LRP2: variants seen among roughly 807,000 people sequenced by gnomAD.
LRP2 encodes LDL receptor related protein 2.
A neutral mutation model predicts 531.0 loss-of-function variants in LRP2; 172 were observed. The ratio of observed to expected loss-of-function variants is 0.32; its 90% CI spans 0.29 to 0.37. The LOEUF is 0.37. Among genes scored for constraint, LRP2 ranks in the 10% least tolerant of loss-of-function variants. LRP2 has a pLI of 1.00. For synonymous variants in LRP2, 1,992 were observed against 2,027.6 expected (o/e 0.98, Z 0.47); for missense variants, 5,167 against 5,868.3 (o/e 0.88, Z 3.90).
chr2:169,304,304 G>A (rs529727241), intron 4 of LRP2, among the ~76,000 whole-genome samples: 2 of 152,206 alleles, frequency 1.3e-5, no homozygotes, highest in East Asian at 3.9e-4. Flanking sequence ...TCCATGAAGA[G>A]CAATCACCAG....
chr2:169,254,783 AATCCCAAAAC>A (rs1430728009), intron 19 of LRP2, among the ~76,000 whole-genome samples: 6 of 152,022 alleles, frequency 3.9e-5, no homozygotes, highest in African/African-American at 1.4e-4. Flanking sequence ...CATTTTCTCG[AATCCCAAAAC>A]ATCCCAGCCC....
chr2:169,188,192 G>C lies in LRP2; in HGVS notation c.9106C>G (p.Gln3036Glu). The change falls in exon 49 of 79, where the codon CAG becomes GAG. Residue 3036 changes from glutamine (Q) to glutamate (E), a missense_variant. Coordinates refer to ENST00000649046, the MANE Select transcript of LRP2 (RefSeq NM_004525.3). ...GCLYQTCQQN[Q>E]FTCQNGRCIS... ...CAGCGCCCGTTCTGACAGGTAAACT[G>C]ATTCTGTTGGCAAGTCTGGTATAAG... is the stretch of plus-strand genomic sequence containing the variant. 6.2e-7 allele frequency: 1 copy of C among 1,614,150 alleles called. No homozygotes were observed. The highest frequency in any genetic ancestry group is 8.5e-7 in the Non-Finnish European group (1 of 1,180,016).
rs142075499 is a variant in LRP2, at chr2:169,342,072, C to T, written c.79+20249G>A. On this transcript the variant is annotated intron_variant, in intron 1 of 78. Transcript: ENST00000649046. ...GCATTGTGACAATCAAAAAATGCTA[C>T]TATATGTTTCCAAAGGTTCCCTGAG... Among the ~76,000 whole-genome samples, 5 of 151,956 alleles carry T rather than the reference C, an allele frequency of 3.3e-5. No individual in the cohort carries two copies. The East Asian group carries it at 9.7e-4, about 29-fold the overall frequency.
chr2:169,312,898 AT>A (rs1559070435), intron 3 of LRP2, among the ~76,000 whole-genome samples: 1 of 152,010 alleles, frequency 6.6e-6, no homozygotes, highest in Non-Finnish European at 1.5e-5. Context: ...GGCTTTGTTC[AT>A]TTCTTTTTAC....
chr2:169,327,504 C>T (rs1340315304), intron 1 of LRP2, among the ~76,000 whole-genome samples: 1 of 124,756 alleles, frequency 8.0e-6, no homozygotes, highest in Non-Finnish European at 1.7e-5. Flanking sequence ...CAGCCCCCCG[C>T]CCGGCCAGCC....
chr2:169,329,689 T>G (rs764481640), intron 1 of LRP2, among the ~76,000 whole-genome samples: 4 of 152,350 alleles, frequency 2.6e-5, no homozygotes, highest in East Asian at 1.9e-4. Context: ...CTGAGCCCAG[T>G]GAGCAGGCTG....
At position 169,128,729 on chromosome 2, in the gene LRP2, G is replaced by T. The variant is rs112043518; in HGVS notation, c.13902C>A (p.Thr4634=). The T allele has an allele frequency of 6.2e-6, 10 of 1,614,112 alleles. No homozygotes were observed. Among genetic ancestry groups the T allele is most frequent in the East Asian group, 2.2e-5 (1 of 44,886 alleles). ...KPPSRRDPTP[T]YSATEDTFKD... ...TAAAAGTGTCTTCTGTTGCAGAATA[G>T]GTTGGAGTTGGGTCTCTTCTCGAAG... Residue 4634 remains threonine (T), a synonymous_variant, in exon 79 of 79, where the codon ACC becomes ACA. Transcript: ENST00000649046.
At chr2:169,176,264 G>T in intron 54 of LRP2, 147 bp downstream of exon 54, 2 of 831,256 alleles carry the variant, frequency 2.4e-6, no homozygotes, top group South Asian at 1.5e-5. Flanking sequence ...GAAGTTGGAG[G>T]CTGAGAGTCT....
At chr2:169,131,757 C>A (rs538480746) in intron 77 of LRP2, among the ~76,000 whole-genome samples, 12 of 152,266 alleles carry the variant, frequency 7.9e-5, no homozygotes, top group Admixed American at 2.0e-4. Flanking sequence ...CTGTCCCACT[C>A]AATATGCCAA....
intron 17 of LRP2, 89 bp from the exon 18 acceptor site, chr2:169,257,338 A>C (rs1690346206): frequency 1.5e-6 from 2 of 1,348,558 alleles, no homozygotes. Context: ...GATTCTCCAG[A>C]TACTGCAATT....
At position 169,211,981 on chromosome 2, in the gene LRP2, C is replaced by T. The variant is rs2228169; in HGVS notation, c.6267G>A (p.Pro2089=). The change falls in exon 37 of 79, where the codon CCG becomes CCA. Residue 2089 remains proline (P), a synonymous_variant. Coordinates refer to ENST00000649046, the MANE Select transcript of LRP2 (RefSeq NM_004525.3). ...ELSDHSETMV[P]VAGQGRNALH... ...GAGTTGGCATACCTTGGCCTGCCACCGGCACCATGGTTTCTGAATGATCTG... is the reference window on the plus strand; with the variant it reads ...GAGTTGGCATACCTTGGCCTGCCACTGGCACCATGGTTTCTGAATGATCTG... 3,920 of 1,613,880 alleles carry T rather than the reference C, an allele frequency of 2.4e-3. 73 individuals carry two copies. The African/African-American group carries it at 0.045, about 19-fold the overall frequency.
chr2:169,237,399 T>A (rs970501861), intron 27 of LRP2, 112 bp from the exon 28 acceptor site: 1 of 884,234 alleles, frequency 1.1e-6, no homozygotes, highest in Non-Finnish European at 1.8e-6. Flanking sequence ...TAATTACTTG[T>A]GGGGATTAGA....
chr2:169,134,554 G>A (rs7576280), intron 76 of LRP2, among the ~76,000 whole-genome samples: 119,208 of 152,028 alleles, frequency 0.78, 47,062 homozygotes, highest in Middle Eastern at 0.82. Flanking sequence ...AGGCCTAATC[G>A]CCACTCACCA....
At chr2:169,174,976 T>C (rs571622091) in intron 55 of LRP2, among the ~76,000 whole-genome samples, 10 of 150,924 alleles carry the variant, frequency 6.6e-5, no homozygotes, top group South Asian at 6.3e-4. Flanking sequence ...AGACAACTTA[T>C]TGTCTACTTC....
chr2:169,361,937 G>C (rs1194653437), intron 1 of LRP2, among the ~76,000 whole-genome samples: 3 of 152,300 alleles, frequency 2.0e-5, no homozygotes, highest in East Asian at 1.9e-4. Flanking sequence ...AGCAGAGCCC[G>C]GGACCGCGCC....
chr2:169,205,652 G>T lies in LRP2; in HGVS notation c.7557-15C>A. ...AGTACAGGTACCTAGTCATACAAAA[G>T]GAGTCAATAATTAATTCACAGGGAA... is the stretch of plus-strand genomic sequence containing the variant. On this transcript the variant is annotated splice_polypyrimidine_tract_variant and intron_variant, in intron 40 of 78. Coordinates refer to ENST00000649046, the MANE Select transcript of LRP2 (RefSeq NM_004525.3). 6.2e-7 allele frequency: 1 copy of T among 1,610,424 alleles called. No homozygotes were observed. Among genetic ancestry groups the T allele is most frequent in the Non-Finnish European group, 8.5e-7 (1 of 1,178,460 alleles).
intron 4 of LRP2, among the ~76,000 whole-genome samples, chr2:169,300,890 A>AGTCCACG (rs1574235276): frequency 2.0e-5 from 3 of 151,950 alleles, no homozygotes; most frequent in Non-Finnish European, 2.9e-5. Flanking sequence ...CACAGTCCAC[A>AGTCCACG]AAATGACTTT....
chr2:169,326,350 C>T (rs1393743365), intron 1 of LRP2, among the ~76,000 whole-genome samples: 24 of 151,700 alleles, frequency 1.6e-4, no homozygotes, highest in Admixed American at 6.6e-5. Context: ...CGAGTGCCTG[C>T]GATTGCAGGC....
intron 31 of LRP2, among the ~76,000 whole-genome samples, chr2:169,229,150 G>C (rs944872296): frequency 2.6e-5 from 4 of 152,144 alleles, no homozygotes; most frequent in Non-Finnish European, 5.9e-5. Flanking sequence ...ATGGCATGAA[G>C]GGGTAGGCAC....
Sources: gnomAD v4.1 joint callset for allele counts (sites outside exome capture counted in the v4.1 genomes callset) on GRCh38, gnomAD v4.1.1 for gene constraint, MANE v1.5 for transcripts, NCBI Gene and HGNC (gene_info 2026-07-23, HGNC 2026-07-21) for gene names.